The following ACER3 variants were observed in gnomAD, a reference collection of about 807,000 sequenced individuals.
ACER3 encodes alkaline ceramidase 3, also known as alkCDase 3.
Under a neutral mutation model 48.9 loss-of-function variants are expected in ACER3, and 16 were observed. The ratio of observed to expected loss-of-function variants is 0.33; its 90% confidence interval spans 0.22 to 0.50. ACER3 has a LOEUF of 0.50. Ranked by LOEUF, ACER3 falls within the 20% of genes least tolerant of loss-of-function variation. ACER3 has a pLI of 0.98. For synonymous variants in ACER3, 109 were observed against 107.8 expected (o/e 1.01, Z -0.07); for missense variants, 227 against 326.0 (o/e 0.70, Z 2.34).
intron 3 of ACER3, among the ~76,000 whole-genome samples, chr11:76,970,990 G>T (rs1385287086): frequency 6.6e-6 from 1 of 152,084 alleles, no homozygotes; most frequent in Non-Finnish European, 1.5e-5. Flanking sequence ...TTTGTGTCTG[G>T]TTTCTTTAAC....
chr11:76,934,255 G>T (rs1947107706), intron 2 of ACER3, among the ~76,000 whole-genome samples: 1 of 152,116 alleles, frequency 6.6e-6, no homozygotes, highest in African/African-American at 2.4e-5. Flanking sequence ...GGGCAGCCAG[G>T]CAGAGACACT....
chr11:76,914,358 A>G (rs1188511530), intron 1 of ACER3, among the ~76,000 whole-genome samples: 2 of 152,218 alleles, frequency 1.3e-5, no homozygotes, highest in Non-Finnish European at 2.9e-5. Flanking sequence ...ACAAGAAAAA[A>G]ACAACCCCAT....
chr11:77,009,978 A>G (rs1949227779), intron 7 of ACER3, among the ~76,000 whole-genome samples: 1 of 152,086 alleles, frequency 6.6e-6, no homozygotes, highest in Non-Finnish European at 1.5e-5. Context: ...ACACACATAT[A>G]CAAATAAAGC....
In ACER3 at chr11:76,886,958, G is replaced by A. The variant is rs193095160; in HGVS notation, c.103+25879G>A. 2.1e-3 allele frequency among the ~76,000 whole-genome samples: 319 copies of A among 152,288 alleles called. 4 individuals carry two copies. Among genetic ancestry groups the A allele is most frequent in the Non-Finnish European group, 1.4e-3 (92 of 68,036 alleles). ...CTCCCAAAGTGCTGGGATTACAGGC[G>A]TGAGCCATACCACCATGGGTTTAAG... On this transcript the variant is annotated intron_variant, in intron 1 of 10. Coordinates refer to ENST00000532485, the MANE Select transcript of ACER3 (RefSeq NM_018367.7).
At chr11:76,894,011 C>A (rs1945870712) in intron 1 of ACER3, among the ~76,000 whole-genome samples, 1 of 152,184 alleles carries the variant, frequency 6.6e-6, no homozygotes, top group Admixed American at 6.5e-5. Flanking sequence ...AAATTACCAG[C>A]CAGGCACGGT....
At chr11:76,908,875 A>G (rs1293831183) in intron 1 of ACER3, among the ~76,000 whole-genome samples, 2 of 152,214 alleles carry the variant, frequency 1.3e-5, no homozygotes, top group African/African-American at 4.8e-5. Context: ...AAACTATACT[A>G]CAAGGCTACA....
chr11:77,012,679 TAGAC>T (rs1419113281), intron 7 of ACER3, among the ~76,000 whole-genome samples: 1 of 152,104 alleles, frequency 6.6e-6, no homozygotes, highest in South Asian at 2.1e-4. Flanking sequence ...GCTAGACAAA[TAGAC>T]AGATACACCA....
At chr11:76,879,297 T>C (rs1945465263) in intron 1 of ACER3, among the ~76,000 whole-genome samples, 1 of 152,186 alleles carries the variant, frequency 6.6e-6, no homozygotes, top group Non-Finnish European at 1.5e-5. Context: ...TATTGTCACA[T>C]ATGGTGTAAG....
At chr11:76,881,534 C>A (rs764133752) in intron 1 of ACER3, among the ~76,000 whole-genome samples, 14 of 152,036 alleles carry the variant, frequency 9.2e-5, no homozygotes, top group Non-Finnish European at 1.9e-4. Context: ...ATGTCTTTAA[C>A]TTTTCACAGC....
intron 1 of ACER3, among the ~76,000 whole-genome samples, chr11:76,903,438 C>T (rs1946134143): frequency 1.6e-5 from 2 of 124,318 alleles, no homozygotes; most frequent in South Asian, 6.5e-4. Flanking sequence ...ATGGAAACGC[C>T]CCTCCCACCC....
intron 2 of ACER3, among the ~76,000 whole-genome samples, chr11:76,952,525 T>C (rs1243539582): frequency 3.3e-5 from 5 of 151,988 alleles, no homozygotes; most frequent in Non-Finnish European, 1.5e-5. Flanking sequence ...CTCAAAGTGC[T>C]GGGATTACAG....
At position 76,926,558 on chromosome 11, in the gene ACER3, G is replaced by A. The variant is rs1210282551; in HGVS notation, c.105G>A (p.Trp35Ter). ...TCTTCTTATATTTTTCTCTTAAAGG[G>A]AATACAGTGAGTAACCTGATCATGA... ...YSVTWYIAEF[W>*]NTVSNLIMII... The change falls in exon 2 of 11, where the codon TGG becomes TGA. Residue 35 changes from tryptophan (W) to a stop codon, truncating the protein, a stop_gained and splice_region_variant. Coordinates refer to ENST00000532485, the MANE Select transcript of ACER3 (RefSeq NM_018367.7). LOFTEE classifies it high-confidence loss of function. 1 of 1,582,998 alleles carries A rather than the reference G, an allele frequency of 6.3e-7. No individual in the cohort carries two copies. Among genetic ancestry groups the A allele is most frequent in the Non-Finnish European group, 8.7e-7 (1 of 1,153,876 alleles).
intron 1 of ACER3, among the ~76,000 whole-genome samples, chr11:76,906,802 C>T (rs1006632621): frequency 1.3e-5 from 2 of 151,990 alleles, no homozygotes; most frequent in Non-Finnish European, 1.5e-5. Context: ...CTCAAGCAGT[C>T]CCCCCACCTT....
At chr11:76,950,610 C>T (rs1182376286) in intron 2 of ACER3, among the ~76,000 whole-genome samples, 2 of 151,080 alleles carry the variant, frequency 1.3e-5, no homozygotes, top group Non-Finnish European at 3.0e-5. Flanking sequence ...CATAGGCGTG[C>T]ACCACCATAC....
intron 1 of ACER3, among the ~76,000 whole-genome samples, chr11:76,910,857 T>G (rs919733183): frequency 6.6e-6 from 1 of 152,222 alleles, no homozygotes; most frequent in East Asian, 1.9e-4. Flanking sequence ...CCCACAAATA[T>G]AATGATTAAG....
At chr11:76,887,100 TA>T (rs1945692675) in intron 1 of ACER3, among the ~76,000 whole-genome samples, 1 of 145,268 alleles carries the variant, frequency 6.9e-6, no homozygotes, top group African/African-American at 2.9e-5. Flanking sequence ...ACCCTGTCTC[TA>T]CAAAAAAAAT....
intron 1 of ACER3, among the ~76,000 whole-genome samples, chr11:76,869,082 G>A (rs1487112536): frequency 1.3e-5 from 2 of 152,144 alleles, no homozygotes; most frequent in Non-Finnish European, 2.9e-5. Flanking sequence ...CCCTAGCCCC[G>A]GACTTGGGAC....
chr11:76,878,216 G>A (rs1945433209), intron 1 of ACER3, among the ~76,000 whole-genome samples: 1 of 151,948 alleles, frequency 6.6e-6, no homozygotes, highest in Non-Finnish European at 1.5e-5. Context: ...TATAGGTCAT[G>A]CTCATATTCA....
chr11:76,926,147 T>C (rs1323112230), intron 1 of ACER3, among the ~76,000 whole-genome samples: 1 of 152,192 alleles, frequency 6.6e-6, no homozygotes, highest in Non-Finnish European at 1.5e-5. Context: ...GCTTTTTTAT[T>C]CCAAGTAACA....
Sources: allele counts gnomAD v4.1 joint callset (sites outside exome capture counted in the v4.1 genomes callset), GRCh38; gene constraint gnomAD v4.1.1; transcripts MANE v1.5; gene names NCBI Gene and HGNC (gene_info 2026-07-23, HGNC 2026-07-21).